The following SPATA6 variants were observed in gnomAD, a reference collection of about 807,000 sequenced individuals.
The protein encoded by SPATA6 is spermatogenesis-associated protein 6.
A neutral mutation model predicts 65.3 loss-of-function variants in SPATA6; 56 were observed. The ratio of observed to expected loss-of-function variants is 0.86; its 90% CI spans 0.69 to 1.07. The LOEUF is 1.07. SPATA6 is among the 50% of genes least tolerant of loss of function. SPATA6 has a pLI of 0.00. For missense variants in SPATA6, 590 were observed against 594.8 expected, an observed-to-expected ratio of 0.99 and a Z score of 0.08; for synonymous variants, 199 against 213.2, an observed-to-expected ratio of 0.93 and a Z score of 0.58.
At chr1:48,307,932 T>A (rs1033574447) in intron 11 of SPATA6, among the ~76,000 whole-genome samples, 1 of 151,988 alleles carries the variant, frequency 6.6e-6, no homozygotes, top group Non-Finnish European at 1.5e-5. Flanking sequence ...TTATGCTGAA[T>A]GCTATGCTTT....
At chr1:48,267,765 T>G in the SPATA6 span, among the ~76,000 whole-genome samples, 9 of 135,616 alleles carry the variant, frequency 6.6e-5, no homozygotes, top group African/African-American at 2.2e-4. Flanking sequence ...TTTTTTTTTT[T>G]TTTTTTTTTT....
the SPATA6 span, among the ~76,000 whole-genome samples, chr1:48,272,243 C>T: frequency 1.4e-4 from 21 of 152,272 alleles, no homozygotes; most frequent in South Asian, 4.3e-3. Context: ...AATTATACAA[C>T]ACAGTTTATT....
chr1:48,318,001 T>C (rs980899225), intron 11 of SPATA6, among the ~76,000 whole-genome samples: 6 of 152,136 alleles, frequency 3.9e-5, no homozygotes, highest in Admixed American at 3.9e-4. Flanking sequence ...GGTTGACTCA[T>C]ATAAAATTCA....
At chr1:48,367,404 T>C (rs900865176) in intron 9 of SPATA6, among the ~76,000 whole-genome samples, 1 of 152,206 alleles carries the variant, frequency 6.6e-6, no homozygotes, top group African/African-American at 2.4e-5. Flanking sequence ...GGTGTTAAAG[T>C]CTCCCATTAT....
chr1:48,264,079 C>A, the SPATA6 span, among the ~76,000 whole-genome samples: 2 of 152,132 alleles, frequency 1.3e-5, no homozygotes, highest in Admixed American at 6.6e-5. Flanking sequence ...GTGTAGTTCA[C>A]AAGTGCTCAA....
the SPATA6 span, among the ~76,000 whole-genome samples, chr1:48,269,307 T>C: frequency 1.3e-5 from 2 of 152,294 alleles, no homozygotes; most frequent in East Asian, 1.9e-4. Context: ...AGGTACTCCA[T>C]GTACATTAGC....
At chr1:48,282,861 C>G in the SPATA6 span, among the ~76,000 whole-genome samples, 1 of 152,118 alleles carries the variant, frequency 6.6e-6, no homozygotes, top group African/African-American at 2.4e-5. Context: ...ATAAATCATG[C>G]TGCTATAAAG....
chr1:48,429,025 TTCAGCTCTTAGTACAATAA>T (rs918359078), intron 3 of SPATA6, among the ~76,000 whole-genome samples: 3 of 151,696 alleles, frequency 2.0e-5, no homozygotes, highest in African/African-American at 7.3e-5. Context: ...TTCAGTCAAT[TTCAGCTCTTAGTACAATAA>T]CAGCTACCCA....
chr1:48,283,697 A>AAAAGAAAGAAAGAAAG, the SPATA6 span, among the ~76,000 whole-genome samples: 993 of 12,044 alleles, frequency 0.082, 139 homozygotes, highest in Middle Eastern at 0.25. Flanking sequence ...AAAAAAAAAA[A>AAAAGAAAGAAAGAAAG]AAAGAAAGAA....
At chr1:48,439,207 C>T (rs932525276) in intron 3 of SPATA6, among the ~76,000 whole-genome samples, 1 of 152,154 alleles carries the variant, frequency 6.6e-6, no homozygotes, top group Non-Finnish European at 1.5e-5. Context: ...TTTCTCGGTA[C>T]TCTTTGTGGT....
intron 10 of SPATA6, among the ~76,000 whole-genome samples, chr1:48,356,973 A>G (rs187537110): frequency 6.6e-6 from 1 of 152,164 alleles, no homozygotes; most frequent in African/African-American, 2.4e-5. Context: ...ATACATTAGC[A>G]GACTTTGTTA....
intron 12 of SPATA6, among the ~76,000 whole-genome samples, chr1:48,300,607 A>C (rs942382175): frequency 2.0e-5 from 3 of 152,122 alleles, no homozygotes; most frequent in Admixed American, 6.6e-5. Context: ...CAAAAACAAC[A>C]ACAAAAATAA....
At chr1:48,332,517 A>G (rs1292648760) in intron 11 of SPATA6, among the ~76,000 whole-genome samples, 1 of 152,202 alleles carries the variant, frequency 6.6e-6, no homozygotes, top group Non-Finnish European at 1.5e-5. Flanking sequence ...AAAGGGCTTA[A>G]TTCAACAAGA....
At chr1:48,346,038 A>G (rs983075298) in intron 11 of SPATA6, among the ~76,000 whole-genome samples, 7 of 151,762 alleles carry the variant, frequency 4.6e-5, no homozygotes, top group African/African-American at 1.7e-4. Context: ...AAGACATAAA[A>G]CTTCAGGCCA....
intron 3 of SPATA6, among the ~76,000 whole-genome samples, chr1:48,435,813 C>T (rs1236264410): frequency 2.6e-5 from 4 of 152,188 alleles, no homozygotes; most frequent in African/African-American, 4.8e-5. Flanking sequence ...CTCTGGCGCC[C>T]GCCCCTGTCC....
At position 48,304,420 on chromosome 1, in the gene SPATA6, C is replaced by T. The variant is rs1052808113; in HGVS notation, c.1286+1367G>A. Reference sequence around the variant, plus strand: ...AAAAAAGAACCAATATTGGGGTTTACGGCAAACTTTAAATTGACAGCAGCA... The same window carrying T: ...AAAAAAGAACCAATATTGGGGTTTATGGCAAACTTTAAATTGACAGCAGCA... On this transcript the variant is annotated intron_variant, in intron 12 of 12. Transcript: ENST00000371847. 7.9e-5 allele frequency among the ~76,000 whole-genome samples: 12 copies of T among 152,258 alleles called. No homozygotes were observed. In the East Asian group the frequency reaches 1.4e-3, roughly 17 times the overall value.
intron 3 of SPATA6, among the ~76,000 whole-genome samples, chr1:48,433,443 A>AG (rs1654593089): frequency 6.6e-6 from 1 of 152,162 alleles, no homozygotes; most frequent in Admixed American, 6.5e-5. Context: ...TTATTTTGTA[A>AG]CTGTCTACTA....
chr1:48,325,069 C>A (rs1645715608), intron 11 of SPATA6: 2 of 363,092 alleles, frequency 5.5e-6, no homozygotes, highest in Non-Finnish European at 1.1e-5. Context: ...TTCTCCATGA[C>A]CAAAAATATC....
At chr1:48,385,727 A>G (rs555726001) in intron 8 of SPATA6, among the ~76,000 whole-genome samples, 1 of 152,300 alleles carries the variant, frequency 6.6e-6, no homozygotes, top group African/African-American at 2.4e-5. Context: ...TATGTTTCCT[A>G]TTCTTATACT....
Sources: allele counts gnomAD v4.1 joint callset (sites outside exome capture counted in the v4.1 genomes callset), GRCh38; gene constraint gnomAD v4.1.1; transcripts MANE v1.5; gene names NCBI Gene and HGNC (gene_info 2026-07-23, HGNC 2026-07-21).